SLC24A2: variants seen among roughly 807,000 people sequenced by gnomAD.
SLC24A2 encodes the protein sodium/potassium/calcium exchanger 2.
Under a neutral mutation model 62.0 loss-of-function variants are expected in SLC24A2, and 36 were observed. The ratio of observed to expected loss-of-function variants is 0.58; its 90% CI spans 0.44 to 0.77. The LOEUF is 0.77. SLC24A2 is among the 30% of genes least tolerant of loss of function. The probability of loss-of-function intolerance (pLI) is 0.00; values close to 1 mark genes in which losing one functional copy is unlikely to be tolerated. For synonymous variants in SLC24A2, 358 were observed against 294.0 expected (o/e 1.22, Z -2.23); for missense variants, 846 against 817.9 (o/e 1.03, Z -0.42).
chr9:20,199,855 A>G, the SLC24A2 span, among the ~76,000 whole-genome samples: 1 of 149,058 alleles, frequency 6.7e-6, no homozygotes, highest in African/African-American at 2.5e-5. Context: ...AGGAGCTGGG[A>G]TTACAGGCAC....
chr9:19,909,987 C>T, the SLC24A2 span, among the ~76,000 whole-genome samples: 3 of 152,062 alleles, frequency 2.0e-5, no homozygotes, highest in African/African-American at 7.2e-5. Context: ...CATATTCACT[C>T]AAAATAATAT....
the SLC24A2 span, among the ~76,000 whole-genome samples, chr9:20,172,476 G>A: frequency 1.3e-5 from 2 of 151,920 alleles, no homozygotes; most frequent in South Asian, 2.1e-4. Context: ...GAAAAGAAGA[G>A]AGAAATCCAA....
intron 10 of SLC24A2, among the ~76,000 whole-genome samples, chr9:19,518,309 A>G (rs1389958270): frequency 6.6e-6 from 1 of 152,250 alleles, no homozygotes; most frequent in Non-Finnish European, 1.5e-5. Flanking sequence ...AGATGCATAC[A>G]TACACACAAA....
At chr9:20,211,409 G>A in the SLC24A2 span, among the ~76,000 whole-genome samples, 1 of 152,128 alleles carries the variant, frequency 6.6e-6, no homozygotes, top group East Asian at 1.9e-4. Context: ...CTACTAGGGC[G>A]GCTGAGGCAG....
the SLC24A2 span, among the ~76,000 whole-genome samples, chr9:20,007,091 G>C: frequency 3.3e-5 from 5 of 152,120 alleles, no homozygotes; most frequent in African/African-American, 7.2e-5. Flanking sequence ...TCATGCTAAG[G>C]ACTGGTAAAT....
chr9:19,958,027 C>T, the SLC24A2 span: 1 of 152,592 alleles, frequency 6.6e-6, no homozygotes, highest in African/African-American at 2.4e-5. Context: ...TGTCAGTGGC[C>T]ATAGGATCAT....
At chr9:19,763,179 T>G (rs1270560007) in intron 2 of SLC24A2, among the ~76,000 whole-genome samples, 1 of 152,242 alleles carries the variant, frequency 6.6e-6, no homozygotes, top group Non-Finnish European at 1.5e-5. Flanking sequence ...ATCCTGAGAC[T>G]TTGCTGAAGT....
chr9:20,103,442 C>T, the SLC24A2 span, among the ~76,000 whole-genome samples: 1 of 152,328 alleles, frequency 6.6e-6, no homozygotes, highest in Middle Eastern at 3.4e-3. Context: ...AACTGGGAGG[C>T]ACCCCCCAGC....
the SLC24A2 span, among the ~76,000 whole-genome samples, chr9:19,966,578 G>C: frequency 6.6e-6 from 1 of 152,178 alleles, no homozygotes; most frequent in Non-Finnish European, 1.5e-5. Context: ...TGTCCTTGGA[G>C]AGTTAGGGCA....
chr9:20,147,680 A>G, the SLC24A2 span, among the ~76,000 whole-genome samples: 3 of 152,062 alleles, frequency 2.0e-5, no homozygotes, highest in East Asian at 5.8e-4. Flanking sequence ...GATCACATTG[A>G]GGCTTCCCTT....
the SLC24A2 span, among the ~76,000 whole-genome samples, chr9:20,250,626 G>C: frequency 6.6e-6 from 1 of 152,062 alleles, no homozygotes. Context: ...TCATGTGAGT[G>C]TGCTGAACAC....
the SLC24A2 span, among the ~76,000 whole-genome samples, chr9:20,133,951 G>A: frequency 1.3e-5 from 2 of 152,126 alleles, no homozygotes; most frequent in East Asian, 3.9e-4. Context: ...TTGACAGAGG[G>A]GAAACTTCCA....
the SLC24A2 span, among the ~76,000 whole-genome samples, chr9:19,964,387 A>T: frequency 0.27 from 41,404 of 151,960 alleles, 6,187 homozygotes; most frequent in Admixed American, 0.39. Context: ...ATAATAATAA[A>T]AAAAGGAGTT....
the SLC24A2 span, among the ~76,000 whole-genome samples, chr9:20,174,260 C>T: frequency 1.5e-3 from 228 of 151,952 alleles, no homozygotes; most frequent in African/African-American, 5.2e-3. Context: ...AAGATAATGT[C>T]GGAAAAACCC....
At chr9:19,950,526 G>T in the SLC24A2 span, among the ~76,000 whole-genome samples, 1 of 152,186 alleles carries the variant, frequency 6.6e-6, no homozygotes, top group Non-Finnish European at 1.5e-5. Flanking sequence ...TAGAAATTGT[G>T]TCAAGTCTTA....
chr9:19,817,518 C>A, the SLC24A2 span, among the ~76,000 whole-genome samples: 37 of 151,272 alleles, frequency 2.4e-4, no homozygotes, highest in African/African-American at 8.5e-4. Context: ...TATGTATATT[C>A]ATTTTTTATA....
chr9:19,700,131 G>A (rs186902011), intron 2 of SLC24A2, among the ~76,000 whole-genome samples: 30 of 152,306 alleles, frequency 2.0e-4, no homozygotes, highest in African/African-American at 6.0e-4. Context: ...TGTCTCACCT[G>A]AGACATAGAT....
the SLC24A2 span, among the ~76,000 whole-genome samples, chr9:20,048,403 C>T: frequency 1.3e-5 from 2 of 152,186 alleles, no homozygotes; most frequent in African/African-American, 4.8e-5. Flanking sequence ...GTGATCAAAT[C>T]TATTACTAGG....
At chr9:19,731,651 T>A (rs774041411) in intron 2 of SLC24A2, among the ~76,000 whole-genome samples, 1 of 152,166 alleles carries the variant, frequency 6.6e-6, no homozygotes, top group Non-Finnish European at 1.5e-5. Flanking sequence ...ACTTCCAGCC[T>A]CCAGTACTGT....
Sources: allele counts gnomAD v4.1 joint callset (sites outside exome capture counted in the v4.1 genomes callset), GRCh38; gene constraint gnomAD v4.1.1; transcripts MANE v1.5; gene names NCBI Gene and HGNC (gene_info 2026-07-23, HGNC 2026-07-21).